ZNF366: variants seen among roughly 807,000 people sequenced by gnomAD.
ZNF366 encodes the protein dendritic cell-specific transcript protein.
In ZNF366, 20 loss-of-function variants were observed where a neutral mutation model predicts 47.2. The observed-to-expected ratio is 0.42, with a 90% CI of 0.30 to 0.62. ZNF366 has a LOEUF of 0.62. Ranked by LOEUF, ZNF366 falls within the 20% of genes least tolerant of loss-of-function variation. The pLI, the probability that ZNF366 is intolerant of heterozygous loss-of-function variation, is 0.16. For missense variants in ZNF366, 987 were observed against 976.3 expected, an observed-to-expected ratio of 1.01 and a Z score of -0.15; for synonymous variants, 421 against 395.1, an observed-to-expected ratio of 1.07 and a Z score of -0.78.
chr5:72,462,066 T>G (rs1389612850), intron 1 of ZNF366, among the ~76,000 whole-genome samples: 3 of 152,212 alleles, frequency 2.0e-5, no homozygotes, highest in Non-Finnish European at 4.4e-5. Context: ...GGGCCTTTGC[T>G]GCTGGAAAAT....
At chr5:72,504,169 C>T (rs1056045049) in intron 1 of ZNF366, among the ~76,000 whole-genome samples, 4 of 152,144 alleles carry the variant, frequency 2.6e-5, no homozygotes, top group Admixed American at 6.5e-5. Context: ...AGGTGAGTGG[C>T]TCACTGTTAC....
In ZNF366 at chr5:72,507,288, C is replaced by T. The variant is rs1198600705; in HGVS notation, c.-52G>A. ...TCTGAATGGCTGCAGCAGCCCCACTCCTTTACCTGATCCCTGCTCTCTCTG... is the reference window on the plus strand; with the variant it reads ...TCTGAATGGCTGCAGCAGCCCCACTTCTTTACCTGATCCCTGCTCTCTCTG... On this transcript the variant is annotated 5_prime_UTR_variant, in exon 1 of 5. Coordinates refer to ENST00000318442, the MANE Select transcript of ZNF366 (RefSeq NM_152625.3). The T allele has an allele frequency of 3.0e-6, 3 of 985,484 alleles. No individual in the cohort carries two copies. The highest frequency in any genetic ancestry group is 1.2e-6 in the Non-Finnish European group (1 of 830,106). The allele number at this position is 985,484 out of a possible 1,614,324, so 61.0% of individuals were successfully genotyped here. A position where few individuals can be genotyped will look rare whatever the true frequency, so the allele number is the denominator to read the frequency against.
chr5:72,496,675 T>A (rs1436355316), intron 1 of ZNF366, among the ~76,000 whole-genome samples: 1 of 152,212 alleles, frequency 6.6e-6, no homozygotes, highest in East Asian at 1.9e-4. Context: ...CTGGGTTGTA[T>A]GGTAAGCATA....
At chr5:72,496,246 G>T (rs955952524) in intron 1 of ZNF366, among the ~76,000 whole-genome samples, 2 of 152,132 alleles carry the variant, frequency 1.3e-5, no homozygotes, top group African/African-American at 4.8e-5. Context: ...CATCACTCCA[G>T]TAAGTTCCAT....
intron 1 of ZNF366, among the ~76,000 whole-genome samples, chr5:72,474,247 A>G (rs1283164995): frequency 6.6e-6 from 1 of 152,210 alleles, no homozygotes; most frequent in Non-Finnish European, 1.5e-5. Context: ...CAGAAGCACC[A>G]CAAAGGCCAA....
At chr5:72,483,040 GTT>G (rs1185881549) in intron 1 of ZNF366, among the ~76,000 whole-genome samples, 1 of 152,082 alleles carries the variant, frequency 6.6e-6, no homozygotes, top group African/African-American at 2.4e-5. Flanking sequence ...TGTAGATGCT[GTT>G]TTAAAGAAAT....
At chr5:72,506,661 G>A (rs191895811) in intron 1 of ZNF366, among the ~76,000 whole-genome samples, 8 of 152,238 alleles carry the variant, frequency 5.3e-5, no homozygotes, top group Admixed American at 3.3e-4. Context: ...CACTCAACCC[G>A]CATGGGGAAC....
chr5:72,484,718 A>G (rs1349572891), intron 1 of ZNF366, among the ~76,000 whole-genome samples: 1 of 152,212 alleles, frequency 6.6e-6, no homozygotes, highest in East Asian at 1.9e-4. Context: ...AACTATTTGG[A>G]CTTCCTTATC....
chr5:72,505,430 C>T (rs1478952117), intron 1 of ZNF366, among the ~76,000 whole-genome samples: 2 of 152,154 alleles, frequency 1.3e-5, no homozygotes, highest in African/African-American at 2.4e-5. Context: ...ACTGCATATC[C>T]TCAGCTTCTT....
intron 1 of ZNF366, among the ~76,000 whole-genome samples, chr5:72,463,627 C>A (rs146300502): frequency 1.2e-4 from 19 of 152,282 alleles, no homozygotes; most frequent in African/African-American, 4.6e-4. Context: ...GTGACAAGGG[C>A]AGTGGGAGAA....
In ZNF366 at chr5:72,461,514, T is replaced by C. The variant is rs753768393; in HGVS notation, c.-14-4A>G. On this transcript the variant is annotated splice_region_variant and splice_polypyrimidine_tract_variant and intron_variant, in intron 1 of 4. Coordinates refer to ENST00000318442, the MANE Select transcript of ZNF366 (RefSeq NM_152625.3). ...TTCTGCATCCTTGGCAATTTTCCTT[T>C]AAAGAGAAAGAAACTTGTGTGTTTT... The C allele has an allele frequency of 7.9e-6, 12 of 1,524,900 alleles. No individual in the cohort carries two copies. The allele number at this position is 1,524,900 out of a possible 1,614,324, so 94.5% of individuals were successfully genotyped here. A position where few individuals can be genotyped will look rare whatever the true frequency, so the allele number is the denominator to read the frequency against.
chr5:72,506,633 C>T (rs562740841), intron 1 of ZNF366, among the ~76,000 whole-genome samples: 2 of 152,336 alleles, frequency 1.3e-5, no homozygotes, highest in East Asian at 3.9e-4. Context: ...CTTCCACTGA[C>T]AGTGAATAAT....
intron 3 of ZNF366, among the ~76,000 whole-genome samples, chr5:72,452,357 T>G (rs1021834420): frequency 2.0e-5 from 3 of 152,216 alleles, no homozygotes; most frequent in African/African-American, 7.2e-5. Context: ...TGAAATCTAT[T>G]TGCAGGCGGT....
In ZNF366 at chr5:72,460,754, C is replaced by T; in HGVS notation, c.743G>A (p.Gly248Asp). Reference protein sequence around the residue: ...IDDSYYVDVGGSQKRWQCPTC... With the variant: ...IDDSYYVDVGDSQKRWQCPTC... ...GGGGCACTGCCAGCGCTTCTGCGAG[C>T]CGCCCACGTCCACGTAGTAGCTGTC... The change falls in exon 2 of 5, where the codon GGC becomes GAC. Residue 248 changes from glycine (G) to aspartate (D), a missense_variant. Transcript: ENST00000318442. 5.6e-6 allele frequency: 9 copies of T among 1,614,224 alleles called. No individual in the cohort carries two copies. Among genetic ancestry groups the T allele is most frequent in the Non-Finnish European group, 7.6e-6 (9 of 1,180,044 alleles).
chr5:72,470,528 T>A (rs1743540021), intron 1 of ZNF366, among the ~76,000 whole-genome samples: 1 of 152,228 alleles, frequency 6.6e-6, no homozygotes, highest in African/African-American at 2.4e-5. Flanking sequence ...GGTCCTGTGC[T>A]GCCAGTCACC....
intron 1 of ZNF366, among the ~76,000 whole-genome samples, chr5:72,500,654 G>A (rs932663506): frequency 1.3e-5 from 2 of 152,196 alleles, no homozygotes; most frequent in African/African-American, 4.8e-5. Context: ...CTTGGACAAG[G>A]TCAAAGTTAA....
intron 2 of ZNF366, among the ~76,000 whole-genome samples, chr5:72,457,487 A>G (rs1743215396): frequency 6.6e-6 from 1 of 152,208 alleles, no homozygotes; most frequent in Non-Finnish European, 1.5e-5. Context: ...AGAACAAGTT[A>G]CTTAGTTAAC....
At chr5:72,460,103 C>G (rs1371865703) in intron 2 of ZNF366, 62 bp downstream of exon 2, 2 of 1,564,790 alleles carry the variant, frequency 1.3e-6, no homozygotes, top group Non-Finnish European at 1.7e-6. Flanking sequence ...CCCCAGTGCT[C>G]TGCTCAGGGC....
Position 72,443,979 on chromosome 5 carries a change from G to T in ZNF366, c.2012C>A (p.Ser671Tyr). 6.2e-7 allele frequency: 1 copy of T among 1,614,120 alleles called. No homozygotes were observed. The highest frequency in any genetic ancestry group is 1.1e-5 in the South Asian group (1 of 91,076). ...EACKEEKEDA[S>Y]KGEWEKRSKG... ...GCTCCTCTTCTCCCATTCTCCCTTG[G>T]ATGCATCCTCCTTCTCCTCCTTGCA... is the stretch of plus-strand genomic sequence containing the variant. The change falls in exon 5 of 5, where the codon TCC becomes TAC. Residue 671 changes from serine (S) to tyrosine (Y), a missense_variant. Coordinates refer to ENST00000318442, the MANE Select transcript of ZNF366 (RefSeq NM_152625.3).
Sources: allele counts gnomAD v4.1 joint callset (sites outside exome capture counted in the v4.1 genomes callset), GRCh38; gene constraint gnomAD v4.1.1; transcripts MANE v1.5; gene names NCBI Gene and HGNC (gene_info 2026-07-23, HGNC 2026-07-21).